MAX: variants seen among roughly 807,000 people sequenced by gnomAD.
MAX encodes the protein MYC associated transcriptional regulator X.
In MAX, 3 loss-of-function variants were observed where a neutral mutation model predicts 22.3. That is an observed-to-expected ratio of 0.13 (90% CI 0.06 to 0.35). The LOEUF is 0.35. Among genes scored for constraint, MAX ranks in the 10% least tolerant of loss-of-function variants. The pLI, the probability that MAX is intolerant of heterozygous loss-of-function variation, is 1.00. For synonymous variants in MAX, 72 were observed against 77.7 expected (o/e 0.93, Z 0.39); for missense variants, 119 against 209.4 (o/e 0.57, Z 2.66).
chr14:65,013,337 T>C (rs1308718643), intron 3 of MAX, among the ~76,000 whole-genome samples: 1 of 151,516 alleles, frequency 6.6e-6, no homozygotes, highest in Non-Finnish European at 1.5e-5. Context: ...TTTTTTTTTT[T>C]CTTCCTCCAA....
chr14:65,010,845 C>T (rs1202226262), intron 3 of MAX, among the ~76,000 whole-genome samples: 1 of 152,190 alleles, frequency 6.6e-6, no homozygotes, highest in African/African-American at 2.4e-5. Flanking sequence ...ACCTGTCACT[C>T]CTCTTGTACA....
chr14:65,037,194 C>G (rs2062212106), intron 3 of MAX, among the ~76,000 whole-genome samples: 1 of 151,086 alleles, frequency 6.6e-6, no homozygotes, highest in Admixed American at 6.6e-5. Flanking sequence ...ACCTCTGCCT[C>G]TCAGGTTCCA....
chr14:65,049,087 G>C (rs531510561), intron 3 of MAX, among the ~76,000 whole-genome samples: 6 of 150,450 alleles, frequency 4.0e-5, no homozygotes, highest in Non-Finnish European at 7.4e-5. Flanking sequence ...AGATCGCGCC[G>C]TTGCACTCCA....
rs1173169861 is a variant in MAX at position 65,102,417 on chromosome 14, A to C, written c.-78T>G. 6.4e-7 allele frequency: 1 copy of C among 1,569,150 alleles called. No homozygotes were observed. Among genetic ancestry groups the C allele is most frequent in the African/African-American group, 1.4e-5 (1 of 73,486 alleles). On this transcript the variant is annotated 5_prime_UTR_variant, in exon 1 of 5. Coordinates refer to ENST00000358664, the MANE Select transcript of MAX (RefSeq NM_002382.5). The stretch of plus-strand genomic sequence containing the variant: ...TGAAGGGGAGGGGGAAGTCACCGAC[A>C]ACAACAAGCCGAGTCCCCCCCACAC...
chr14:65,077,991 A>G lies in MAX; in HGVS notation c.217T>C (p.Tyr73His), dbSNP rs747081607. Reference sequence around the variant, plus strand: ...TGTGTGTGGTTTTTCCTTCGCATATACTGGATATATTCTGTGGCTTTGTCT... The same window carrying G: ...TGTGTGTGGTTTTTCCTTCGCATATGCTGGATATATTCTGTGGCTTTGTCT... The part of the protein sequence containing the change: ...ILDKATEYIQ[Y>H]MRRKNHTHQQ... Residue 73 changes from tyrosine to histidine, a missense_variant, in exon 4 of 5, where the codon TAT becomes CAT. Tyr to His is a moderately conservative substitution (Grantham distance 83, BLOSUM62 2). Transcript: ENST00000358664. This position sits in a 1 kb window ranked among gnomAD's most constrained non-coding sequence, Gnocchi z 6.3. 1.9e-6 allele frequency: 3 copies of G among 1,614,126 alleles called. No homozygotes were observed. The highest frequency in any genetic ancestry group is 2.2e-5 in the South Asian group (2 of 91,082).
Position 65,078,757 on chromosome 14 carries a change from T to G in MAX, c.172-721A>C, listed in dbSNP as rs1212296122. 6.6e-6 allele frequency among the ~76,000 whole-genome samples: 1 copy of G among 152,174 alleles called. No individual in the cohort carries two copies. Among genetic ancestry groups the G allele is most frequent in the Non-Finnish European group, 1.5e-5 (1 of 68,028 alleles). On this transcript the variant is annotated intron_variant, in intron 3 of 4. Coordinates refer to ENST00000358664, the MANE Select transcript of MAX (RefSeq NM_002382.5). The surrounding 1 kb of genome is among the most constrained non-coding windows in gnomAD (Gnocchi z 6.4). Reference sequence around the variant, plus strand: ...GTTGGCCAGACTGGTCTCAAACTCCTCACCTCAGGTGATCCACCTACCTCG... The same window carrying G: ...GTTGGCCAGACTGGTCTCAAACTCCGCACCTCAGGTGATCCACCTACCTCG...
At chr14:65,040,678 A>G in intron 3 of MAX, 1 of 1,079,808 alleles carries the variant, frequency 9.3e-7, no homozygotes, top group Non-Finnish European at 1.2e-6. Flanking sequence ...CATAGTTGTG[A>G]TGGTTCACAC....
intron 2 of MAX, among the ~76,000 whole-genome samples, chr14:65,096,680 C>T (rs1292922069): frequency 1.3e-5 from 2 of 152,072 alleles, no homozygotes; most frequent in African/African-American, 4.8e-5. Context: ...TGTAAGGCAT[C>T]TAATATCCTC....
At chr14:65,021,945 C>T (rs562215707) in intron 3 of MAX, 61 of 456,056 alleles carry the variant, frequency 1.3e-4, no homozygotes, top group African/African-American at 1.2e-3. Context: ...TGCGCCCGGC[C>T]TATAGTAGCC....
chr14:65,093,845 G>T lies in MAX; in HGVS notation c.64-30C>A, dbSNP rs913398884. ...AAGAATGGGAGAAAGAACACATTAG[G>T]AATGTCACTCCTTTTGCTTGGTACA... On this transcript the variant is annotated intron_variant, in intron 2 of 4. Transcript: ENST00000358664. This position sits in a 1 kb window ranked among gnomAD's most constrained non-coding sequence, Gnocchi z 4.4. 5.7e-6 allele frequency: 7 copies of T among 1,235,500 alleles called. No homozygotes were observed. In the Admixed American group the frequency reaches 1.2e-4, roughly 21 times the overall value. 76.5% of individuals were successfully genotyped at this position (1,235,500 alleles called of 1,614,324 possible).
At chr14:65,072,600 A>G (rs942629), downstream of MAX, among the ~76,000 whole-genome samples, 75,336 of 151,998 alleles carry the variant, frequency 0.5, 21,086 homozygotes, top group African/African-American at 0.78. Flanking sequence ...CTGACTGGTG[A>G]GCCACGGCAC....
In MAX at chr14:65,007,608, TC is replaced by T. The variant is rs2061614760; in HGVS notation, c.172-1325del. On this transcript the variant is annotated intron_variant, in intron 3 of 3. Coordinates refer to the MAX transcript ENST00000341653. The surrounding 1 kb of genome is among the most constrained non-coding windows in gnomAD (Gnocchi z 4.9). ...ATTTTCTTCTCTAAGGTTGGGACTG[TC>T]TACCTGGAGTGAGGTAGTCAGTCCC... Among the ~76,000 whole-genome samples the T allele has an allele frequency of 6.6e-6, 1 of 152,224 alleles. No individual in the cohort carries two copies. Among genetic ancestry groups the T allele is most frequent in the Admixed American group, 6.5e-5 (1 of 15,282 alleles).
chr14:65,070,561 T>G (rs1420513622), downstream of MAX, among the ~76,000 whole-genome samples: 3 of 152,162 alleles, frequency 2.0e-5, no homozygotes, highest in Non-Finnish European at 4.4e-5. The surrounding 1 kb of genome is among the most constrained non-coding windows in gnomAD (Gnocchi z 4.4). Context: ...CGGCTGGTTG[T>G]GAATTGTCCA....
intron 2 of MAX, chr14:65,094,147 CA>C: frequency 2.8e-6 from 1 of 363,038 alleles, no homozygotes; most frequent in South Asian, 2.3e-5. Flanking sequence ...ACAGAAGAGC[CA>C]CCAGTCTGTG....
chr14:65,042,733 G>A (rs1288398845), intron 3 of MAX, among the ~76,000 whole-genome samples: 1 of 152,162 alleles, frequency 6.6e-6, no homozygotes, highest in African/African-American at 2.4e-5. Context: ...ATGGGCTTAG[G>A]CACTGGAAAA....
At chr14:65,040,684 C>T (rs1264304325) in intron 3 of MAX, 9 of 1,161,792 alleles carry the variant, frequency 7.7e-6, no homozygotes, top group Non-Finnish European at 8.7e-6. Context: ...TGTGATGGTT[C>T]ACACCTTAAT....
intron 3 of MAX, among the ~76,000 whole-genome samples, chr14:65,024,453 C>T (rs61987400): frequency 6.8e-4 from 103 of 152,284 alleles, no homozygotes; most frequent in Admixed American, 1.4e-3. Flanking sequence ...ATCTTTTCCA[C>T]CTCAGCAGGA....
At chr14:65,018,339 A>G (rs2061819012) in intron 3 of MAX, among the ~76,000 whole-genome samples, 1 of 152,182 alleles carries the variant, frequency 6.6e-6, no homozygotes, top group African/African-American at 2.4e-5. Flanking sequence ...CAATAAATAT[A>G]TGAATGTGTA....
chr14:65,100,710 C>T (rs1318061165), intron 2 of MAX, among the ~76,000 whole-genome samples: 1 of 152,198 alleles, frequency 6.6e-6, no homozygotes, highest in African/African-American at 2.4e-5. Flanking sequence ...TTCTCTTCCC[C>T]TCGCTGATTC....
Sources: gnomAD v4.1 joint callset for allele counts (sites outside exome capture counted in the v4.1 genomes callset) on GRCh38, gnomAD v4.1.1 for gene constraint, Gnocchi (gnomAD v3.1) non-coding constraint, MANE v1.5 for transcripts, NCBI Gene and HGNC (gene_info 2026-07-23, HGNC 2026-07-21) for gene names.